The following CLEC17A variants were observed in gnomAD, a reference collection of about 807,000 sequenced individuals.
CLEC17A encodes C-type lectin domain containing 17A.
Under a neutral mutation model 61.3 loss-of-function variants are expected in CLEC17A, and 37 were observed. The ratio of observed to expected loss-of-function variants is 0.60; its 90% CI spans 0.46 to 0.79. CLEC17A has a LOEUF of 0.79. Ranked by LOEUF, CLEC17A falls within the 30% of genes least tolerant of loss-of-function variation. The pLI is 0.00. For missense variants in CLEC17A, 418 were observed against 464.7 expected (o/e 0.90, Z 0.92); for synonymous variants, 168 against 164.9 (o/e 1.02, Z -0.14).
At chr19:14,591,513 C>T (rs1449303489) in intron 3 of CLEC17A, among the ~76,000 whole-genome samples, 5 of 150,746 alleles carry the variant, frequency 3.3e-5, no homozygotes, top group African/African-American at 9.8e-5. Context: ...GGCGCTATCT[C>T]GGCTCACTGC....
At chr19:14,603,734 G>A (rs530686613) in intron 12 of CLEC17A, among the ~76,000 whole-genome samples, 9 of 152,090 alleles carry the variant, frequency 5.9e-5, no homozygotes, top group African/African-American at 1.7e-4. Context: ...CCGAAGTGCC[G>A]GGATTACAGG....
intron 12 of CLEC17A, among the ~76,000 whole-genome samples, chr19:14,602,843 C>T (rs1039055413): frequency 6.6e-6 from 1 of 151,906 alleles, no homozygotes; most frequent in Non-Finnish European, 1.5e-5. Flanking sequence ...TCAAGTGATT[C>T]TCCCGCCTCA....
intron 7 of CLEC17A, 116 bp from the exon 8 acceptor site, chr19:14,595,158 C>A: frequency 8.5e-7 from 1 of 1,180,520 alleles, no homozygotes; most frequent in South Asian, 1.3e-5. Flanking sequence ...AGGCGTGAGC[C>A]ACTGCCCACA....
At chr19:14,607,449 CGCCTTG>C (rs1219834437) in intron 13 of CLEC17A, among the ~76,000 whole-genome samples, 1 of 151,812 alleles carries the variant, frequency 6.6e-6, no homozygotes, top group East Asian at 1.9e-4. Flanking sequence ...GTGATCTGCC[CGCCTTG>C]GCCTCCCAAA....
rs1478146521 is a variant in CLEC17A at position 14,600,028 on chromosome 19, C to T, written c.743-3C>T. 6.2e-7 allele frequency: 1 copy of T among 1,613,562 alleles called. No homozygotes were observed. Among genetic ancestry groups the T allele is most frequent in the African/African-American group, 1.3e-5 (1 of 74,942 alleles). On this transcript the variant is annotated splice_region_variant and splice_polypyrimidine_tract_variant and intron_variant, in intron 11 of 13. Transcript: ENST00000417570. ...TCCTGACAGCATTCTGTCTGGTTCC[C>T]AGACTGCCGCCGAATTACCTGTCCT...
rs1188676482 is a variant in CLEC17A, at chr19:14,600,100, G to T, written c.812G>T (p.Ser271Ile). ...FEGKCYYFSP[S>I]TKSWDEARMF... ...GGCAAGTGTTACTACTTCTCCCCAA[G>T]CACCAAGTCATGGGATGAGGCCCGG... Residue 271 changes from serine (S) to isoleucine (I), a missense_variant, in exon 12 of 14, where the codon AGC becomes ATC. Ser to Ile is a moderately radical substitution (Grantham distance 142). Coordinates refer to ENST00000417570, the MANE Select transcript of CLEC17A (RefSeq NM_001204118.2). The T allele has an allele frequency of 4.3e-6, 7 of 1,613,910 alleles. No individual in the cohort carries two copies. In the East Asian group the frequency reaches 1.3e-4, roughly 31 times the overall value.
At position 14,599,645 on chromosome 19, in the gene CLEC17A, T is replaced by G. The variant is rs1412015561; in HGVS notation, c.647-72T>G. The G allele has an allele frequency of 9.6e-6, 10 of 1,039,586 alleles. 1 individual carries two copies. Among genetic ancestry groups the G allele is most frequent in the Non-Finnish European group, 1.3e-5 (9 of 668,334 alleles). 64.4% of individuals were successfully genotyped at this position (1,039,586 alleles called of 1,614,324 possible). A position where few individuals can be genotyped will look rare whatever the true frequency, so the allele number is the denominator to read the frequency against. On this transcript the variant is annotated intron_variant, in intron 10 of 13. Transcript: ENST00000417570. ...ACAACCCTTGCTTCTCTCTCTGATG[T>G]GTCTGCAGTCCGTGGTGGATGGGTA...
intron 12 of CLEC17A, among the ~76,000 whole-genome samples, chr19:14,605,102 A>ATT (rs74181898): frequency 4.1e-5 from 6 of 146,672 alleles, no homozygotes; most frequent in East Asian, 2.0e-4. Flanking sequence ...ACCTCCCCAC[A>ATT]TTTTTTTTTT....
chr19:14,585,068 C>A (rs1480403286), intron 2 of CLEC17A, among the ~76,000 whole-genome samples: 1 of 152,222 alleles, frequency 6.6e-6, no homozygotes, highest in Non-Finnish European at 1.5e-5. Flanking sequence ...CCCCTCCATC[C>A]CCTTCCATCC....
At chr19:14,593,793 TATTAAAAAAATACA>T (rs1413038624) in intron 4 of CLEC17A, among the ~76,000 whole-genome samples, 2 of 151,678 alleles carry the variant, frequency 1.3e-5, no homozygotes, top group Non-Finnish European at 2.9e-5. Context: ...ACCCCGTCTC[TATTAAAAAAATACA>T]AAAAATTAGC....
At position 14,610,373 on chromosome 19, in the gene CLEC17A, G is replaced by A. The variant is rs1480622069; in HGVS notation, c.*177G>A. On this transcript the variant is annotated 3_prime_UTR_variant, in exon 14 of 14. Transcript: ENST00000417570. Reference sequence around the variant, plus strand: ...GTGCAAGTCAGGCTGTTTCTAGAGTGAGGACTTGGGCTTGCCCTAGTAGAT... The same window carrying A: ...GTGCAAGTCAGGCTGTTTCTAGAGTAAGGACTTGGGCTTGCCCTAGTAGAT... The A allele has an allele frequency of 1.2e-6, 1 of 831,430 alleles. No individual in the cohort carries two copies. Among genetic ancestry groups the A allele is most frequent in the Non-Finnish European group, 1.8e-6 (1 of 545,490 alleles). The allele number at this position is 831,430 out of a possible 1,614,324, so 51.5% of individuals were successfully genotyped here. A position where few individuals can be genotyped will look rare whatever the true frequency, so the allele number is the denominator to read the frequency against.
At chr19:14,592,650 G>A (rs1268110335) in intron 4 of CLEC17A, among the ~76,000 whole-genome samples, 1 of 151,922 alleles carries the variant, frequency 6.6e-6, no homozygotes, top group Non-Finnish European at 1.5e-5. Context: ...CTTGAGGGAT[G>A]AGTAGACATT....
intron 8 of CLEC17A, among the ~76,000 whole-genome samples, chr19:14,596,141 C>T (rs1471232795): frequency 4.6e-5 from 7 of 151,456 alleles, no homozygotes; most frequent in Admixed American, 1.3e-4. Context: ...CTCTAGAAGC[C>T]GGGGTCCACA....
At chr19:14,598,370 T>C (rs2074607874) in intron 10 of CLEC17A, among the ~76,000 whole-genome samples, 2 of 151,146 alleles carry the variant, frequency 1.3e-5, no homozygotes, top group African/African-American at 2.4e-5. Context: ...TTCCTTCCTT[T>C]CTTCCTTCCT....
chr19:14,583,214 G>T lies in CLEC17A; in HGVS notation c.43+11G>T, dbSNP rs562036769. ...ACCCGGACCCACCAGGTAAGGCCCCGGCCAGGCTGGGGCTGGGGCCTAGGT... is the reference window on the plus strand; with the variant it reads ...ACCCGGACCCACCAGGTAAGGCCCCTGCCAGGCTGGGGCTGGGGCCTAGGT... On this transcript the variant is annotated intron_variant, in intron 1 of 13. Transcript: ENST00000417570. The T allele has an allele frequency of 1.2e-6, 2 of 1,613,816 alleles. No homozygotes were observed. The highest frequency in any genetic ancestry group is 1.7e-6 in the Non-Finnish European group (2 of 1,179,840).
At chr19:14,596,022 T>TGTTGGTAGACATGATG (rs2074543236) in intron 8 of CLEC17A, among the ~76,000 whole-genome samples, 1 of 151,210 alleles carries the variant, frequency 6.6e-6, no homozygotes, top group Non-Finnish European at 1.5e-5. Context: ...GTGATGGTGT[T>TGTTGGTAGACATGATG]GGTGATGACC....
rs1452694780 is a variant in CLEC17A, at chr19:14,583,153, T to C, written c.-8T>C. ...TGGCTGCCACTTGTCAGGTTCCCTGTGCTAGACATGCATAATCTGTATTCC... is the reference window on the plus strand; with the variant it reads ...TGGCTGCCACTTGTCAGGTTCCCTGCGCTAGACATGCATAATCTGTATTCC... On this transcript the variant is annotated 5_prime_UTR_variant, in exon 1 of 14. Transcript: ENST00000417570. 1 of 1,613,914 alleles carries C rather than the reference T, an allele frequency of 6.2e-7. No homozygotes were observed. The highest frequency in any genetic ancestry group is 1.1e-5 in the South Asian group (1 of 91,076).
At chr19:14,587,766 G>A in intron 3 of CLEC17A, 75 bp downstream of exon 3, 4 of 1,592,418 alleles carry the variant, frequency 2.5e-6, no homozygotes, top group Non-Finnish European at 3.4e-6. Flanking sequence ...GTTGGGCATT[G>A]TAGACACACA....
Position 14,600,077 on chromosome 19 carries a change from C to A in CLEC17A, c.789C>A (p.Gly263=). ...TCPEGWLPFE[G]KCYYFSPSTK... ...CTGAAGGCTGGCTGCCCTTTGAGGGCAAGTGTTACTACTTCTCCCCAAGCA... is the reference window on the plus strand; with the variant it reads ...CTGAAGGCTGGCTGCCCTTTGAGGGAAAGTGTTACTACTTCTCCCCAAGCA... Residue 263 remains glycine (G), a synonymous_variant, in exon 12 of 14, where the codon GGC becomes GGA. Transcript: ENST00000417570. The A allele has an allele frequency of 6.2e-7, 1 of 1,614,006 alleles. No homozygotes were observed. The highest frequency in any genetic ancestry group is 8.5e-7 in the Non-Finnish European group (1 of 1,179,884).
Sources: allele counts gnomAD v4.1 joint callset (sites outside exome capture counted in the v4.1 genomes callset), GRCh38; gene constraint gnomAD v4.1.1; transcripts MANE v1.5; gene names NCBI Gene and HGNC (gene_info 2026-07-23, HGNC 2026-07-21).